The following APOL2 variants were observed in gnomAD, a reference collection of about 807,000 sequenced individuals.
The protein encoded by APOL2 is apolipoprotein L2, also known as apolipoprotein L, 2.
A neutral mutation model predicts 7.1 loss-of-function variants in APOL2; 8 were observed. The observed-to-expected ratio is 1.12, with a 90% CI of 0.66 to 2.03. The LOEUF (loss-of-function observed/expected upper bound fraction) is 2.03. Ranked by LOEUF, APOL2 falls within the 30% of genes most tolerant of loss-of-function variation. The pLI is 0.00. For synonymous variants in APOL2, 177 were observed against 159.9 expected, an observed-to-expected ratio of 1.11 and a Z score of -0.81; for missense variants, 471 against 415.1, an observed-to-expected ratio of 1.13 and a Z score of -1.17.
intron 4 of APOL2, among the ~76,000 whole-genome samples, 198 bp from the exon 5 acceptor site, chr22:36,228,478 TATGGA>T (rs1281245822): frequency 6.6e-6 from 1 of 152,336 alleles, no homozygotes; most frequent in Middle Eastern, 3.4e-3. Context: ...ACTTATTCCA[TATGGA>T]AATAAATATC....
At position 36,233,196 on chromosome 22, in the gene APOL2, T is replaced by C. The variant is rs374380172; in HGVS notation, c.-34A>G. On this transcript the variant is annotated 5_prime_UTR_variant, in exon 3 of 5. Transcript: ENST00000358502. ...CGGCTGGGTTACCGAGGGGCTTTCC[T>C]TGGAGCTCTCCAGTCACTGTCCAGA... The C allele has an allele frequency of 5.0e-6, 8 of 1,613,998 alleles. No individual in the cohort carries two copies. Among genetic ancestry groups the C allele is most frequent in the Non-Finnish European group, 5.9e-6 (7 of 1,180,012 alleles).
chr22:36,228,120 G>A lies in APOL2; in HGVS notation c.298C>T (p.Arg100Cys), dbSNP rs141853160. Residue 100 changes from arginine to cysteine, a missense_variant, in exon 5 of 5, where the codon CGT becomes TGT. By Grantham distance (180) the Arg-to-Cys change is radical. Coordinates refer to ENST00000358502, the MANE Select transcript of APOL2 (RefSeq NM_030882.4). ...RELEDHIRKLRALAEEVEQVH... is the reference protein window; with the variant it reads ...RELEDHIRKLCALAEEVEQVH... ...TGCTCAACCTCCTCTGCAAGGGCAC[G>A]GAGCTTCCTTATGTGATCCTCAAGC... The A allele has an allele frequency of 2.1e-5, 34 of 1,614,098 alleles. 1 individual carries two copies. Among genetic ancestry groups the A allele is most frequent in the South Asian group, 7.7e-5 (7 of 91,092 alleles).
chr22:36,233,703 T>A (rs1311557002), intron 1 of APOL2, among the ~76,000 whole-genome samples: 2 of 152,220 alleles, frequency 1.3e-5, no homozygotes, highest in East Asian at 3.8e-4. Flanking sequence ...CACTTTCCCA[T>A]TTGAACACAG....
rs968747865 is a variant in APOL2 at position 36,231,020 on chromosome 22, C to T, written c.137+320G>A. Among the ~76,000 whole-genome samples, 6 of 152,220 alleles carry T rather than the reference C, an allele frequency of 3.9e-5. No homozygotes were observed. In the East Asian group the frequency reaches 1.2e-3, roughly 29 times the overall value. On this transcript the variant is annotated intron_variant, in intron 4 of 4. Transcript: ENST00000358502. ...GTCATTATGCTAAGCACTTTACATG[C>T]ATGATCTCATTTTTCTCATAATAAA...
intron 1 of APOL2, among the ~76,000 whole-genome samples, chr22:36,235,560 T>C (rs1026478882): frequency 1.3e-5 from 2 of 150,492 alleles, no homozygotes; most frequent in Non-Finnish European, 3.0e-5. Context: ...AACTAAAAGG[T>C]GATGATCAAA....
intron 1 of APOL2, chr22:36,237,480 C>T (rs2015446938): frequency 1.3e-6 from 1 of 789,874 alleles, no homozygotes; most frequent in African/African-American, 1.8e-5. Flanking sequence ...GCTATCACAG[C>T]TTGCTGTAGC....
intron 3 of APOL2, among the ~76,000 whole-genome samples, chr22:36,232,749 A>T (rs1484982608): frequency 6.6e-6 from 1 of 151,508 alleles, no homozygotes; most frequent in Non-Finnish European, 1.5e-5. Flanking sequence ...GCTGGAAAAA[A>T]CCCTGGGTCA....
At chr22:36,233,738 T>C (rs2015310409) in intron 1 of APOL2, among the ~76,000 whole-genome samples, 1 of 152,184 alleles carries the variant, frequency 6.6e-6, no homozygotes, top group Non-Finnish European at 1.5e-5. Flanking sequence ...GTTAGGGAAC[T>C]TATGGGTGTT....
chr22:36,235,770 T>G (rs1332526742), intron 1 of APOL2, among the ~76,000 whole-genome samples: 2 of 150,570 alleles, frequency 1.3e-5, no homozygotes, highest in Admixed American at 6.6e-5. Context: ...TGTGTGTGTG[T>G]GTGTGTGTGT....
In APOL2 at chr22:36,227,157, T is replaced by A. The variant is rs1275230950; in HGVS notation, c.*247A>T. On this transcript the variant is annotated 3_prime_UTR_variant, in exon 5 of 5. Coordinates refer to ENST00000358502, the MANE Select transcript of APOL2 (RefSeq NM_030882.4). The stretch of plus-strand genomic sequence containing the variant: ...AGTGAAACCCCGTCTCCAGTGAAAA[T>A]ACAAAAAAATTAGCCGGGCGTGGTG... The A allele has an allele frequency of 1.3e-5, 5 of 378,894 alleles. No homozygotes were observed. Among genetic ancestry groups the A allele is most frequent in the African/African-American group, 8.4e-5 (4 of 47,744 alleles). The allele number at this position is 378,894 out of a possible 1,614,324, so 23.5% of individuals were successfully genotyped here.
chr22:36,230,937 G>GT (rs1211737260), intron 4 of APOL2, among the ~76,000 whole-genome samples: 1 of 152,158 alleles, frequency 6.6e-6, no homozygotes, highest in Non-Finnish European at 1.5e-5. Context: ...CTTAACCCTG[G>GT]TCTCTTTCCA....
At chr22:36,229,319 C>G (rs923814886) in intron 4 of APOL2, among the ~76,000 whole-genome samples, 1 of 152,338 alleles carries the variant, frequency 6.6e-6, no homozygotes, top group African/African-American at 2.4e-5. Context: ...GTGACTCCCC[C>G]TCTGTCTTTA....
At chr22:36,237,077 A>G in intron 1 of APOL2, 1 of 1,529,506 alleles carries the variant, frequency 6.5e-7, no homozygotes, top group Middle Eastern at 1.7e-4. Context: ...AATACTTGTG[A>G]GGAGCTGCAT....
At chr22:36,228,355 C>T in intron 4 of APOL2, 75 bp from the exon 5 acceptor site, 3 of 1,511,642 alleles carry the variant, frequency 2.0e-6, no homozygotes, top group East Asian at 4.5e-5. Flanking sequence ...CGATCTCTAT[C>T]CTGTGTAAAT....
intron 1 of APOL2, among the ~76,000 whole-genome samples, chr22:36,233,670 C>T (rs1303071052): frequency 2.0e-5 from 3 of 152,180 alleles, no homozygotes; most frequent in African/African-American, 7.2e-5. Context: ...TCGATGATCA[C>T]ACACAGGACA....
chr22:36,236,671 T>C, intron 1 of APOL2: 1 of 985,274 alleles, frequency 1.0e-6, no homozygotes, highest in Non-Finnish European at 1.2e-6. Flanking sequence ...TTTTAACAGC[T>C]CAGTGGTTCC....
At chr22:36,233,305 G>C (rs958923909) in intron 2 of APOL2, 64 bp from the exon 3 acceptor site, 2 of 1,599,256 alleles carry the variant, frequency 1.3e-6, no homozygotes, top group African/African-American at 1.3e-5. Flanking sequence ...AGGGAGGCTG[G>C]AGGGGCTGGG....
At chr22:36,239,228 A>G in intron 1 of APOL2, 1 of 1,341,174 alleles carries the variant, frequency 7.5e-7, no homozygotes, top group Middle Eastern at 2.8e-4. Context: ...TGTTTTCCCC[A>G]CCTCTCTCTA....
chr22:36,237,075 T>G (rs2015430361), intron 1 of APOL2: 2 of 1,528,822 alleles, frequency 1.3e-6, no homozygotes, highest in Admixed American at 4.1e-5. Context: ...CCAATACTTG[T>G]GAGGAGCTGC....
Sources: gnomAD v4.1 joint callset for allele counts (sites outside exome capture counted in the v4.1 genomes callset) on GRCh38, gnomAD v4.1.1 for gene constraint, MANE v1.5 for transcripts, NCBI Gene and HGNC (gene_info 2026-07-23, HGNC 2026-07-21) for gene names.